TRPS1: variants seen among roughly 807,000 people sequenced by gnomAD.
TRPS1 encodes transcriptional repressor GATA binding 1, also known as zinc finger transcription factor Trps1.
In TRPS1, 6 loss-of-function variants were observed where a neutral mutation model predicts 101.2. That is an observed-to-expected ratio of 0.06 (90% CI 0.03 to 0.12). TRPS1 has a LOEUF of 0.12. Among genes scored for constraint, TRPS1 ranks in the 10% least tolerant of loss-of-function variants. The pLI is 1.00. For synonymous variants in TRPS1, 578 were observed against 589.8 expected, an observed-to-expected ratio of 0.98 and a Z score of 0.29; for missense variants, 1,363 against 1,567.0, an observed-to-expected ratio of 0.87 and a Z score of 2.20.
intron 5 of TRPS1, among the ~76,000 whole-genome samples, chr8:115,501,130 A>C (rs1454642450): frequency 6.6e-6 from 1 of 152,154 alleles, no homozygotes; most frequent in South Asian, 2.1e-4. Context: ...AAGTTGTCTG[A>C]CCACTCTTCA....
intron 5 of TRPS1, among the ~76,000 whole-genome samples, chr8:115,575,273 G>C (rs573023150): frequency 3.3e-5 from 5 of 152,218 alleles, no homozygotes; most frequent in African/African-American, 1.2e-4. Context: ...GAAATACTAT[G>C]AAGTCAATAA....
chr8:115,593,696 C>T (rs1268298282), intron 4 of TRPS1, among the ~76,000 whole-genome samples: 1 of 152,128 alleles, frequency 6.6e-6, no homozygotes, highest in African/African-American at 2.4e-5. Flanking sequence ...CTACTAAATG[C>T]ACTTTCTTTT....
chr8:115,415,485 A>G (rs2129754122), intron 6 of TRPS1, among the ~76,000 whole-genome samples: 1 of 152,248 alleles, frequency 6.6e-6, no homozygotes, highest in African/African-American at 2.4e-5. Flanking sequence ...AACACAGGAG[A>G]TACATATTGT....
At chr8:115,501,666 T>A (rs574172147) in intron 5 of TRPS1, among the ~76,000 whole-genome samples, 1 of 152,332 alleles carries the variant, frequency 6.6e-6, no homozygotes, top group Admixed American at 6.5e-5. Flanking sequence ...CAGTTACTTC[T>A]TATTTCTCTA....
chr8:115,564,809 G>A lies in TRPS1; in HGVS notation c.2700+22192C>T, dbSNP rs535735807. 2.6e-5 allele frequency among the ~76,000 whole-genome samples: 4 copies of A among 152,164 alleles called. No homozygotes were observed. The East Asian group carries it at 7.7e-4, about 29-fold the overall frequency. ...AAATACAGGAGTTGCTTACATAGTT[G>A]TGTTCTTTTCAGGAATAATACTTTT... On this transcript the variant is annotated intron_variant, in intron 5 of 6. Transcript: ENST00000395715.
At chr8:115,484,295 CA>C (rs1814825936) in intron 5 of TRPS1, among the ~76,000 whole-genome samples, 1 of 151,956 alleles carries the variant, frequency 6.6e-6, no homozygotes, top group African/African-American at 2.4e-5. Flanking sequence ...CAGGTAAACA[CA>C]ATATCATAAT....
chr8:115,546,920 G>A (rs935520223), intron 5 of TRPS1, among the ~76,000 whole-genome samples: 2 of 152,034 alleles, frequency 1.3e-5, no homozygotes, highest in African/African-American at 2.4e-5. Context: ...AAAGAAAAAC[G>A]TCCCAATCCT....
intron 3 of TRPS1, among the ~76,000 whole-genome samples, chr8:115,614,667 T>C (rs777791450): frequency 5.9e-5 from 9 of 152,232 alleles, no homozygotes; most frequent in Non-Finnish European, 1.0e-4. Context: ...ACAGTCTGAA[T>C]TGATAAAAGT....
chr8:115,492,045 T>C (rs1815036124), intron 5 of TRPS1: 2 of 377,538 alleles, frequency 5.3e-6, no homozygotes, highest in Non-Finnish European at 1.0e-5. Flanking sequence ...AATTTCAAAC[T>C]AACTCTCACT....
At chr8:115,444,590 C>T (rs1813685847) in intron 5 of TRPS1, among the ~76,000 whole-genome samples, 1 of 152,142 alleles carries the variant, frequency 6.6e-6, no homozygotes, top group Non-Finnish European at 1.5e-5. Flanking sequence ...ACTATATCTC[C>T]CACTAACCTA....
intron 5 of TRPS1, among the ~76,000 whole-genome samples, chr8:115,498,409 C>CTA (rs1815212488): frequency 5.3e-4 from 43 of 80,942 alleles, no homozygotes; most frequent in Non-Finnish European, 8.1e-4. Flanking sequence ...CTCTCTCTCT[C>CTA]TCTCTCTATA....
chr8:115,562,220 A>T (rs2130370847), intron 5 of TRPS1, among the ~76,000 whole-genome samples: 1 of 152,172 alleles, frequency 6.6e-6, no homozygotes, highest in Middle Eastern at 3.4e-3. Context: ...AATTCTGTAG[A>T]GCCATTTAAA....
Position 115,535,529 on chromosome 8 carries a change from A to G in TRPS1, c.2700+51472T>C, listed in dbSNP as rs567310805. Among the ~76,000 whole-genome samples, 25 of 149,116 alleles carry G rather than the reference A, an allele frequency of 1.7e-4. No homozygotes were observed. In the South Asian group the frequency reaches 5.2e-3, roughly 31 times the overall value. On this transcript the variant is annotated intron_variant, in intron 5 of 6. Coordinates refer to ENST00000395715, the MANE Select transcript of TRPS1 (RefSeq NM_014112.5). ...TATAGCGCATATATATAGCGCATAT[A>G]TAGCGCATATATATAGCGCATATAT...
At chr8:115,487,984 G>A (rs1217797627) in intron 5 of TRPS1, among the ~76,000 whole-genome samples, 1 of 152,108 alleles carries the variant, frequency 6.6e-6, no homozygotes, top group East Asian at 1.9e-4. Context: ...GCATACTACA[G>A]GAAATCTTTC....
At chr8:115,500,467 C>T (rs895285274) in intron 5 of TRPS1, among the ~76,000 whole-genome samples, 1 of 152,168 alleles carries the variant, frequency 6.6e-6, no homozygotes, top group Admixed American at 6.5e-5. Flanking sequence ...TATTATAATC[C>T]ATCCTTACTG....
chr8:115,522,106 G>A (rs753935897), intron 5 of TRPS1, among the ~76,000 whole-genome samples: 11 of 151,918 alleles, frequency 7.2e-5, no homozygotes, highest in African/African-American at 2.4e-4. Flanking sequence ...TTAATGGATC[G>A]TTTTTAGATA....
chr8:115,505,552 T>G (rs952156389), intron 5 of TRPS1, among the ~76,000 whole-genome samples: 5 of 152,160 alleles, frequency 3.3e-5, no homozygotes, highest in African/African-American at 9.6e-5. Context: ...CATTGAATGA[T>G]CTGAAATTAT....
intron 5 of TRPS1, among the ~76,000 whole-genome samples, chr8:115,534,671 T>A: frequency 6.6e-6 from 1 of 152,246 alleles, no homozygotes; most frequent in East Asian, 1.9e-4. Flanking sequence ...CTCGCTTTTT[T>A]TCCTTTTTGA....
At chr8:115,425,609 A>T (rs1586261268) in intron 5 of TRPS1, among the ~76,000 whole-genome samples, 2 of 152,242 alleles carry the variant, frequency 1.3e-5, no homozygotes, top group South Asian at 2.1e-4. Context: ...CTGCTGTGCT[A>T]AACACATTAG....
Sources: gnomAD v4.1 joint callset for allele counts (sites outside exome capture counted in the v4.1 genomes callset) on GRCh38, gnomAD v4.1.1 for gene constraint, MANE v1.5 for transcripts, NCBI Gene and HGNC (gene_info 2026-07-23, HGNC 2026-07-21) for gene names.